The following LINGO3 variants were observed in gnomAD, a reference collection of about 807,000 sequenced individuals.
The protein encoded by LINGO3 is leucine rich repeat and Ig domain containing 3, also known as leucine-rich repeat and immunoglobulin-like domain-containing nogo receptor-interacting protein 3.
For missense variants in LINGO3, 750 were observed against 867.7 expected (o/e 0.86, Z 1.70); for synonymous variants, 427 against 444.2 (o/e 0.96, Z 0.49).
the LINGO3 span, among the ~76,000 whole-genome samples, chr19:2,303,923 G>A: frequency 1.3e-5 from 2 of 152,242 alleles, no homozygotes; most frequent in Non-Finnish European, 2.9e-5. Flanking sequence ...GCCTTGGGCA[G>A]AGACATCGAA....
upstream of LINGO3, among the ~76,000 whole-genome samples, chr19:2,294,589 G>A (rs1246942661): frequency 6.6e-6 from 1 of 151,890 alleles, no homozygotes; most frequent in Non-Finnish European, 1.5e-5. This position sits in a 1 kb window ranked among gnomAD's most constrained non-coding sequence, Gnocchi z 4.3. Flanking sequence ...GTCTGGTGAA[G>A]CTAAAGGAGA....
At chr19:2,293,382 C>CA (rs1599165238), upstream of LINGO3, among the ~76,000 whole-genome samples, 1 of 120,886 alleles carries the variant, frequency 8.3e-6, no homozygotes, top group Non-Finnish European at 1.7e-5. Context: ...TTTTTGGAGA[C>CA]AGAGTCTCAC....
chr19:2,307,686 G>A, the LINGO3 span, among the ~76,000 whole-genome samples: 1 of 152,226 alleles, frequency 6.6e-6, no homozygotes, highest in African/African-American at 2.4e-5. Context: ...GGGGGAGACA[G>A]GGCAGGAAGG....
At position 2,290,274 on chromosome 19, in the gene LINGO3, C is replaced by T. The variant is rs776479534; in HGVS notation, c.1503G>A (p.Pro501=). 61 of 1,591,474 alleles carry T rather than the reference C, an allele frequency of 3.8e-5. No homozygotes were observed. In the Middle Eastern group the frequency reaches 1.2e-3, roughly 31 times the overall value. ...CCTCGCCCGGGGTCCGGTTGGCGGC[C>T]GGCTCGGGGCGCACGGTCAGCGTGG... The change falls in exon 1 of 1, where the codon CCG becomes CCA. Residue 501 remains proline (P), a synonymous_variant. Transcript: ENST00000585527. This position sits in a 1 kb window ranked among gnomAD's most constrained non-coding sequence, Gnocchi z 6.0.
At chr19:2,305,396 A>G in the LINGO3 span, among the ~76,000 whole-genome samples, 4 of 151,942 alleles carry the variant, frequency 2.6e-5, no homozygotes, top group Non-Finnish European at 5.9e-5. Context: ...GCTCAAGGAG[A>G]AGGCAGAGTG....
chr19:2,299,932 C>T, the LINGO3 span, among the ~76,000 whole-genome samples: 1 of 151,312 alleles, frequency 6.6e-6, no homozygotes, highest in African/African-American at 2.4e-5. Flanking sequence ...ACCGTGTTAG[C>T]CAGGATGGTC....
At chr19:2,302,463 G>GTCC in the LINGO3 span, among the ~76,000 whole-genome samples, 2 of 152,338 alleles carry the variant, frequency 1.3e-5, no homozygotes, top group South Asian at 4.1e-4. Context: ...GAACAGCTGT[G>GTCC]TCCTCGGGTG....
chr19:2,305,156 C>T, the LINGO3 span, among the ~76,000 whole-genome samples: 23 of 152,074 alleles, frequency 1.5e-4, no homozygotes, highest in African/African-American at 2.9e-4. Flanking sequence ...GGAGGTCGCT[C>T]GAGGCCTCCC....
chr19:2,288,758 G>A (rs898684973), downstream of LINGO3, among the ~76,000 whole-genome samples: 4 of 152,186 alleles, frequency 2.6e-5, no homozygotes, highest in Non-Finnish European at 4.4e-5. The surrounding 1 kb of genome is among the most constrained non-coding windows in gnomAD (Gnocchi z 6.5). Context: ...CCCAGGCCCC[G>A]AGGTCGGCTG....
At position 2,290,288 on chromosome 19, in the gene LINGO3, C is replaced by T. The variant is rs1269982078; in HGVS notation, c.1489G>A (p.Val497Met). The change falls in exon 1 of 1, where the codon GTG (valine) becomes ATG (methionine). Residue 497 changes from valine (V) to methionine (M), a missense_variant. Transcript: ENST00000585527. This position sits in a 1 kb window ranked among gnomAD's most constrained non-coding sequence, Gnocchi z 6.0. Reference sequence around the variant, plus strand: ...CGGTTGGCGGCCGGCTCGGGGCGCACGGTCAGCGTGGCGAAGTAGGTGTCG... The same window carrying T: ...CGGTTGGCGGCCGGCTCGGGGCGCATGGTCAGCGTGGCGAAGTAGGTGTCG... 1 of 1,584,338 alleles carries T rather than the reference C, an allele frequency of 6.3e-7. No individual in the cohort carries two copies. Among genetic ancestry groups the T allele is most frequent in the Non-Finnish European group, 8.5e-7 (1 of 1,170,446 alleles).
chr19:2,288,790 C>T (rs566888932), downstream of LINGO3, among the ~76,000 whole-genome samples: 27 of 152,252 alleles, frequency 1.8e-4, no homozygotes, highest in Admixed American at 8.5e-4. The surrounding 1 kb of genome is among the most constrained non-coding windows in gnomAD (Gnocchi z 6.5). Context: ...GCTGAGCAGG[C>T]GCTGGGGTGG....
At position 2,290,271 on chromosome 19, in the gene LINGO3, G is replaced by A. The variant is rs768605893; in HGVS notation, c.1506C>T (p.Ala502=). ...GGGCCTCGCCCGGGGTCCGGTTGGC[G>A]GCCGGCTCGGGGCGCACGGTCAGCG... The change falls in exon 1 of 1, where the codon GCC becomes GCT. Residue 502 remains alanine, a synonymous_variant. Coordinates refer to ENST00000585527, the Ensembl canonical transcript of LINGO3. This position sits in a 1 kb window ranked among gnomAD's most constrained non-coding sequence, Gnocchi z 6.0. 2 of 1,593,842 alleles carry A rather than the reference G, an allele frequency of 1.3e-6. No homozygotes were observed. The highest frequency in any genetic ancestry group is 3.4e-5 in the Admixed American group (2 of 58,568).
chr19:2,290,683 T>A lies in LINGO3; in HGVS notation c.1094A>T (p.Gln365Leu). The A allele has an allele frequency of 6.2e-7, 1 of 1,609,984 alleles. No individual in the cohort carries two copies. The change falls in exon 1 of 1, where the codon CAG becomes CTG. Residue 365 changes from glutamine (Q) to leucine (L), a missense_variant. Physicochemically the swap from Gln to Leu is moderately radical, Grantham distance 113 (BLOSUM62 -2). Coordinates refer to ENST00000585527, the Ensembl canonical transcript of LINGO3. This position sits in a 1 kb window ranked among gnomAD's most constrained non-coding sequence, Gnocchi z 6.0. ...GTCGAAGTTGAGGGTCTTGCGACGCTGCACGATCCACAGCAGGCGACAGTC... is the reference window on the plus strand; with the variant it reads ...GTCGAAGTTGAGGGTCTTGCGACGCAGCACGATCCACAGCAGGCGACAGTC...
At chr19:2,293,839 G>A (rs563836608), upstream of LINGO3, among the ~76,000 whole-genome samples, 87 of 151,832 alleles carry the variant, frequency 5.7e-4, no homozygotes, top group African/African-American at 2.1e-3. Flanking sequence ...GATCACCTGA[G>A]GTCAGGAGTT....
At chr19:2,304,650 T>C in the LINGO3 span, among the ~76,000 whole-genome samples, 1 of 144,972 alleles carries the variant, frequency 6.9e-6, no homozygotes, top group African/African-American at 2.6e-5. Context: ...ATGGGAAAGA[T>C]GGGAACCGGA....
chr19:2,300,780 G>A, the LINGO3 span, among the ~76,000 whole-genome samples: 2 of 152,066 alleles, frequency 1.3e-5, no homozygotes, highest in South Asian at 4.1e-4. Context: ...CATTCAACGC[G>A]CTCCTCCTGT....
chr19:2,300,543 C>T, the LINGO3 span, among the ~76,000 whole-genome samples: 2 of 152,152 alleles, frequency 1.3e-5, no homozygotes, highest in Non-Finnish European at 2.9e-5. Context: ...GATGGTGTGT[C>T]CCAGCCACCT....
chr19:2,291,201 C>A, exon 1 of LINGO3: 1 of 1,609,944 alleles, frequency 6.2e-7, no homozygotes, highest in Non-Finnish European at 8.5e-7. Context: ...GGCCCAGCGA[C>A]TCCCCGGACA....
chr19:2,302,210 C>T, the LINGO3 span, among the ~76,000 whole-genome samples: 3 of 151,570 alleles, frequency 2.0e-5, no homozygotes, highest in Admixed American at 1.3e-4. Context: ...TACAGACATG[C>T]GCCACTACGC....
Sources: allele counts gnomAD v4.1 joint callset (sites outside exome capture counted in the v4.1 genomes callset), GRCh38; gene constraint gnomAD v4.1.1; non-coding constraint Gnocchi (gnomAD v3.1); transcripts MANE v1.5; gene names NCBI Gene and HGNC (gene_info 2026-07-23, HGNC 2026-07-21).